The following ARHGAP5 variants were observed in gnomAD, a reference collection of about 807,000 sequenced individuals.
The protein encoded by ARHGAP5 is Rho GTPase activating protein 5, also known as rho GTPase-activating protein 5.
Under a neutral mutation model 116.6 loss-of-function variants are expected in ARHGAP5, and 23 were observed. The ratio of observed to expected loss-of-function variants is 0.20; its 90% confidence interval spans 0.14 to 0.28. The LOEUF (loss-of-function observed/expected upper bound fraction) is 0.28. Among genes scored for constraint, ARHGAP5 ranks in the 10% least tolerant of loss-of-function variants. ARHGAP5 has a pLI of 1.00. For synonymous variants in ARHGAP5, 574 were observed against 602.0 expected, an observed-to-expected ratio of 0.95 and a Z score of 0.68; for missense variants, 1,405 against 1,774.8, an observed-to-expected ratio of 0.79 and a Z score of 3.74.
chr14:32,146,801 G>A (rs1310374151), intron 4 of ARHGAP5, among the ~76,000 whole-genome samples: 2 of 152,142 alleles, frequency 1.3e-5, no homozygotes, highest in African/African-American at 4.8e-5. Context: ...TTGAAGCAAA[G>A]TCCATCAGGC....
intron 3 of ARHGAP5, among the ~76,000 whole-genome samples, chr14:32,142,740 G>T (rs774639643): frequency 7.9e-5 from 12 of 152,170 alleles, no homozygotes; most frequent in Non-Finnish European, 1.5e-4. Context: ...CACTAATCTG[G>T]GGTATTAGGG....
intron 3 of ARHGAP5, among the ~76,000 whole-genome samples, chr14:32,135,933 G>A (rs1169183394): frequency 2.0e-5 from 3 of 152,164 alleles, no homozygotes; most frequent in Non-Finnish European, 4.4e-5. Context: ...GTGTTAAAAT[G>A]CATATTGCAT....
chr14:32,135,480 T>G (rs1166520022), intron 3 of ARHGAP5, among the ~76,000 whole-genome samples: 3 of 152,228 alleles, frequency 2.0e-5, no homozygotes, highest in African/African-American at 7.2e-5. Flanking sequence ...AAGAGCACAG[T>G]GGCGTGATCT....
chr14:32,105,508 T>C lies in ARHGAP5; in HGVS notation c.3717+11122T>C, dbSNP rs543260412. The stretch of plus-strand genomic sequence containing the variant: ...TTTTTTAAAAAAAAGAGAGACCCCA[T>C]GTGCTCTTTGCCCATTTTCCCACAA... On this transcript the variant is annotated intron_variant, in intron 2 of 6. Coordinates refer to ENST00000345122, the MANE Select transcript of ARHGAP5 (RefSeq NM_001030055.2). Among the ~76,000 whole-genome samples the C allele has an allele frequency of 1.6e-4, 24 of 152,182 alleles. No homozygotes were observed. The South Asian group carries it at 5.0e-3, about 32-fold the overall frequency.
chr14:32,092,286 A>G lies in ARHGAP5; in HGVS notation c.1617A>G (p.Glu539=). The stretch of plus-strand genomic sequence containing the variant: ...TACAGAAACTTGCACCTGATAGGGA[A>G]TCCCTTCTACTTAAGCATATAGGAT... The part of the protein sequence containing the change: ...KALQKLAPDR[E]SLLLKHIGFV... Residue 539 remains glutamate (E), a synonymous_variant, in exon 2 of 7, where the codon GAA becomes GAG. Coordinates refer to ENST00000345122, the MANE Select transcript of ARHGAP5 (RefSeq NM_001030055.2). This position sits in a 1 kb window ranked among gnomAD's most constrained non-coding sequence, Gnocchi z 4.1. 1 of 1,613,732 alleles carries G rather than the reference A, an allele frequency of 6.2e-7. No individual in the cohort carries two copies. Among genetic ancestry groups the G allele is most frequent in the Non-Finnish European group, 8.5e-7 (1 of 1,179,788 alleles).
chr14:32,121,277 A>G (rs1057280741), intron 3 of ARHGAP5, among the ~76,000 whole-genome samples: 3 of 152,052 alleles, frequency 2.0e-5, no homozygotes, highest in African/African-American at 7.2e-5. Context: ...TCTGAAGTCT[A>G]CTTTGCCTAG....
At position 32,150,942 on chromosome 14, in the gene ARHGAP5, C is replaced by T. The variant is rs114486501; in HGVS notation, c.4075+909C>T. On this transcript the variant is annotated intron_variant, in intron 5 of 6. Coordinates refer to ENST00000345122, the MANE Select transcript of ARHGAP5 (RefSeq NM_001030055.2). Reference sequence around the variant, plus strand: ...GGCATCAGTTTCATCCACATGATTTCTCAGTGACAAAAAATTAGCACAGTT... The same window carrying T: ...GGCATCAGTTTCATCCACATGATTTTTCAGTGACAAAAAATTAGCACAGTT... Among the ~76,000 whole-genome samples the T allele has an allele frequency of 8.8e-3, 1,347 of 152,310 alleles. 13 individuals carry two copies. The highest frequency in any genetic ancestry group is 0.024 in the African/African-American group (1,015 of 41,568).
intron 1 of ARHGAP5, among the ~76,000 whole-genome samples, chr14:32,080,210 T>G (rs1373056484): frequency 2.0e-5 from 3 of 151,922 alleles, no homozygotes; most frequent in Admixed American, 2.0e-4. Context: ...TTTTCCTAGA[T>G]GCCTTGAGAC....
chr14:32,145,232 G>T (rs1049506561), intron 3 of ARHGAP5, among the ~76,000 whole-genome samples: 3 of 152,120 alleles, frequency 2.0e-5, no homozygotes, highest in Non-Finnish European at 2.9e-5. Context: ...GGAAGTTTAG[G>T]CTCTCGACTC....
intron 1 of ARHGAP5, among the ~76,000 whole-genome samples, chr14:32,080,953 T>C (rs2041766350): frequency 6.6e-6 from 1 of 152,186 alleles, no homozygotes; most frequent in African/African-American, 2.4e-5. Context: ...TGTTACTTGC[T>C]TAGAGTCTCA....
chr14:32,106,617 G>A (rs1180041424), intron 2 of ARHGAP5, among the ~76,000 whole-genome samples: 2 of 152,164 alleles, frequency 1.3e-5, no homozygotes, highest in Non-Finnish European at 2.9e-5. Flanking sequence ...CGTACAAAGT[G>A]TATTTGTAAC....
rs571234805 is a variant in ARHGAP5, at chr14:32,150,170, G to T, written c.4075+137G>T. On this transcript the variant is annotated intron_variant, in intron 5 of 6. Transcript: ENST00000345122. ...TTAACTAGAACTCTATTTCTTAAAG[G>T]CATTTTCCTCTAAATTAAAATCAGA... 4.8e-5 allele frequency: 31 copies of T among 648,532 alleles called. No homozygotes were observed. The African/African-American group carries it at 5.6e-4, about 12-fold the overall frequency. The allele number at this position is 648,532 out of a possible 1,614,324, so 40.2% of individuals were successfully genotyped here. A position where few individuals can be genotyped will look rare whatever the true frequency, so the allele number is the denominator to read the frequency against.
At chr14:32,115,732 GA>G (rs1011043154) in intron 2 of ARHGAP5, among the ~76,000 whole-genome samples, 1 of 151,374 alleles carries the variant, frequency 6.6e-6, no homozygotes, top group African/African-American at 2.4e-5. Context: ...AGCACTTGGG[GA>G]GGCTAAGGCA....
intron 2 of ARHGAP5, among the ~76,000 whole-genome samples, chr14:32,105,755 T>C (rs1878987765): frequency 6.6e-6 from 1 of 152,244 alleles, no homozygotes; most frequent in South Asian, 2.1e-4. Flanking sequence ...GTTTTGTCTT[T>C]TTATAACTAC....
chr14:32,137,173 T>G (rs1880846979), intron 3 of ARHGAP5, among the ~76,000 whole-genome samples: 1 of 151,144 alleles, frequency 6.6e-6, no homozygotes, highest in Non-Finnish European at 1.5e-5. Context: ...TCATGAAGAT[T>G]TATCACTTTT....
intron 2 of ARHGAP5, among the ~76,000 whole-genome samples, chr14:32,104,420 ACT>A (rs1878918138): frequency 6.6e-6 from 1 of 152,072 alleles, no homozygotes; most frequent in Non-Finnish European, 1.5e-5. Flanking sequence ...ACATTTATTT[ACT>A]CTGTTGTTTT....
At chr14:32,102,172 T>TTACCTTGAA (rs1878821752) in intron 2 of ARHGAP5, among the ~76,000 whole-genome samples, 3 of 152,274 alleles carry the variant, frequency 2.0e-5, no homozygotes, top group Non-Finnish European at 2.9e-5. Flanking sequence ...AATATTCATT[T>TTACCTTGAA]TATCCATTGT....
intron 2 of ARHGAP5, among the ~76,000 whole-genome samples, chr14:32,114,770 C>T (rs1879470572): frequency 1.3e-5 from 2 of 152,098 alleles, no homozygotes; most frequent in African/African-American, 2.4e-5. Flanking sequence ...TTAAGATATT[C>T]AGAGACTCAG....
At chr14:32,152,056 C>T (rs1362218060) in intron 5 of ARHGAP5, among the ~76,000 whole-genome samples, 1 of 152,190 alleles carries the variant, frequency 6.6e-6, no homozygotes, top group Non-Finnish European at 1.5e-5. Flanking sequence ...AACCGGGCTC[C>T]ACCTTCTGTC....
Sources: gnomAD v4.1 joint callset for allele counts (sites outside exome capture counted in the v4.1 genomes callset) on GRCh38, gnomAD v4.1.1 for gene constraint, Gnocchi (gnomAD v3.1) non-coding constraint, MANE v1.5 for transcripts, NCBI Gene and HGNC (gene_info 2026-07-23, HGNC 2026-07-21) for gene names.